ZNF362: variants seen among roughly 807,000 people sequenced by gnomAD.
ZNF362 encodes the protein rotund homolog.
A neutral mutation model predicts 42.9 loss-of-function variants in ZNF362; 11 were observed. The observed-to-expected ratio is 0.26, with a 90% CI of 0.16 to 0.42. The LOEUF is 0.42. ZNF362 is among the 20% of genes least tolerant of loss of function. ZNF362 has a pLI of 1.00. For synonymous variants in ZNF362, 255 were observed against 257.3 expected, an observed-to-expected ratio of 0.99 and a Z score of 0.09; for missense variants, 362 against 576.2, an observed-to-expected ratio of 0.63 and a Z score of 3.81.
At chr1:33,250,102 A>G in the ZNF362 span, among the ~76,000 whole-genome samples, 1 of 152,198 alleles carries the variant, frequency 6.6e-6, no homozygotes, top group African/African-American at 2.4e-5. Context: ...GGCAAATGCC[A>G]TACAGCACCC....
chr1:33,196,853 T>C, the ZNF362 span, among the ~76,000 whole-genome samples: 1 of 152,146 alleles, frequency 6.6e-6, no homozygotes, highest in East Asian at 1.9e-4. Context: ...TAATATTAGG[T>C]GTCAATTTGA....
chr1:33,228,807 T>G, the ZNF362 span, among the ~76,000 whole-genome samples: 1 of 152,182 alleles, frequency 6.6e-6, no homozygotes, highest in Non-Finnish European at 1.5e-5. Context: ...AGTGATCATT[T>G]TAAAATGAAG....
At chr1:33,186,089 A>G in the ZNF362 span, among the ~76,000 whole-genome samples, 3 of 152,180 alleles carry the variant, frequency 2.0e-5, no homozygotes, top group Non-Finnish European at 4.4e-5. Flanking sequence ...TGTAACCTTC[A>G]AATCAATACT....
At chr1:33,255,713 G>A (rs1178193629), upstream of ZNF362, among the ~76,000 whole-genome samples, 2 of 152,182 alleles carry the variant, frequency 1.3e-5, no homozygotes, top group Non-Finnish European at 2.9e-5. Context: ...CCGGCCTAGG[G>A]CTAGGGAGGG....
At position 33,285,141 on chromosome 1, in the gene ZNF362, C is replaced by T. The variant is rs145143449; in HGVS notation, c.908+3330C>T. ...AAATTAAAAACATGGTAGGCTGGCA[C>T]GGTGGCTCACCCCTGTAATCCCAAC... On this transcript the variant is annotated intron_variant, in intron 6 of 8. Transcript: ENST00000539719. Among the ~76,000 whole-genome samples the T allele has an allele frequency of 2.1e-3, 318 of 152,256 alleles. 2 individuals are homozygous for T. The highest frequency in any genetic ancestry group is 7.1e-3 in the African/African-American group (296 of 41,546).
chr1:33,268,096 A>G (rs569387939), intron 1 of ZNF362, among the ~76,000 whole-genome samples: 1 of 152,266 alleles, frequency 6.6e-6, no homozygotes, highest in Non-Finnish European at 1.5e-5. Context: ...AAGCAGAACC[A>G]TTTTCTGTGT....
At chr1:33,255,563 T>C (rs900818605), upstream of ZNF362, among the ~76,000 whole-genome samples, 14 of 152,104 alleles carry the variant, frequency 9.2e-5, no homozygotes, top group African/African-American at 2.7e-4. Flanking sequence ...TGGTGACTGA[T>C]TGGCTGGGGA....
chr1:33,183,443 C>T, the ZNF362 span, among the ~76,000 whole-genome samples: 1 of 152,220 alleles, frequency 6.6e-6, no homozygotes, highest in Admixed American at 6.5e-5. Context: ...TCAACATTTT[C>T]TTATGGGCAG....
chr1:33,194,204 A>T, the ZNF362 span, among the ~76,000 whole-genome samples: 1 of 152,172 alleles, frequency 6.6e-6, no homozygotes. Flanking sequence ...GCAGCACAGA[A>T]AGCAGCACAA....
chr1:33,164,385 C>T, the ZNF362 span: 1 of 152,312 alleles, frequency 6.6e-6, no homozygotes, highest in South Asian at 2.1e-4. Context: ...TCACCCCAGG[C>T]CTCACGACAC....
At chr1:33,250,931 G>A in the ZNF362 span, among the ~76,000 whole-genome samples, 1 of 150,260 alleles carries the variant, frequency 6.7e-6, no homozygotes, top group Non-Finnish European at 1.5e-5. Flanking sequence ...GCTTGAGAGC[G>A]TTTTTAGTTC....
At chr1:33,162,261 C>G in the ZNF362 span, among the ~76,000 whole-genome samples, 1 of 152,194 alleles carries the variant, frequency 6.6e-6, no homozygotes, top group Non-Finnish European at 1.5e-5. Context: ...CCTAGCTTAC[C>G]TCCCTAGCGC....
At chr1:33,256,456 G>GCCA, upstream of ZNF362, 1 of 163,376 alleles carries the variant, frequency 6.1e-6, no homozygotes, top group Non-Finnish European at 1.2e-5. Flanking sequence ...GCCTCCCGCC[G>GCCA]CCGCCGCCGC....
the ZNF362 span, among the ~76,000 whole-genome samples, chr1:33,202,669 T>C: frequency 6.6e-6 from 1 of 151,028 alleles, no homozygotes; most frequent in Non-Finnish European, 1.5e-5. Flanking sequence ...GGTTTAAGCA[T>C]CCCAAATCAA....
At chr1:33,262,294 ATTC>A (rs1645833232) in intron 1 of ZNF362, among the ~76,000 whole-genome samples, 5 of 93,014 alleles carry the variant, frequency 5.4e-5, no homozygotes, top group African/African-American at 2.1e-4. Flanking sequence ...AGGCTTTAGG[ATTC>A]TTTTTTTTTT....
chr1:33,189,303 G>C, the ZNF362 span, among the ~76,000 whole-genome samples: 4 of 152,048 alleles, frequency 2.6e-5, no homozygotes. Flanking sequence ...TTCCAATGCA[G>C]GGATCACAAC....
chr1:33,260,210 A>G (rs958894553), intron 1 of ZNF362, among the ~76,000 whole-genome samples: 4 of 152,190 alleles, frequency 2.6e-5, no homozygotes, highest in African/African-American at 7.2e-5. Flanking sequence ...AAACTTTTCT[A>G]ATGTTTCCTA....
At chr1:33,245,358 G>A in the ZNF362 span, among the ~76,000 whole-genome samples, 395 of 152,134 alleles carry the variant, frequency 2.6e-3, 6 homozygotes, top group African/African-American at 9.2e-3. Context: ...ACAATGAGGA[G>A]GACTGATCCA....
the ZNF362 span, among the ~76,000 whole-genome samples, chr1:33,151,225 G>T: frequency 6.6e-6 from 1 of 152,146 alleles, no homozygotes. Context: ...GCCCTGGCGA[G>T]CGGACCTGTG....
Sources: gnomAD v4.1 joint callset for allele counts (sites outside exome capture counted in the v4.1 genomes callset) on GRCh38, gnomAD v4.1.1 for gene constraint, MANE v1.5 for transcripts, NCBI Gene and HGNC (gene_info 2026-07-23, HGNC 2026-07-21) for gene names.